BMPR1A: variants seen among roughly 807,000 people sequenced by gnomAD.
BMPR1A encodes bone morphogenetic protein receptor type 1A.
In BMPR1A, 7 loss-of-function variants were observed where a neutral mutation model predicts 66.0. That is an observed-to-expected ratio of 0.11 (90% CI 0.06 to 0.20). The LOEUF is 0.20. Ranked by LOEUF, BMPR1A falls within the 10% of genes least tolerant of loss-of-function variation. The pLI is 1.00. For missense variants in BMPR1A, 408 were observed against 669.1 expected (o/e 0.61, Z 4.31); for synonymous variants, 200 against 229.7 (o/e 0.87, Z 1.17).
intron 1 of BMPR1A, among the ~76,000 whole-genome samples, chr10:86,818,333 G>A (rs1301050581): frequency 6.6e-6 from 1 of 152,158 alleles, no homozygotes; most frequent in Non-Finnish European, 1.5e-5. Flanking sequence ...TAATTTTAGG[G>A]AGCAGATGAA....
At chr10:86,781,953 G>A (rs1383914924) in intron 1 of BMPR1A, among the ~76,000 whole-genome samples, 2 of 123,072 alleles carry the variant, frequency 1.6e-5, no homozygotes, top group East Asian at 2.7e-4. Context: ...TGCAACCCCC[G>A]CCTCCCAGGT....
At chr10:86,759,413 T>C (rs1333496386) in intron 1 of BMPR1A, among the ~76,000 whole-genome samples, 1 of 152,206 alleles carries the variant, frequency 6.6e-6, no homozygotes, top group African/African-American at 2.4e-5. Flanking sequence ...TTTTTGTTTG[T>C]TTGTTTTGTT....
chr10:86,887,586 A>C (rs1843082983), intron 3 of BMPR1A, among the ~76,000 whole-genome samples: 2 of 152,232 alleles, frequency 1.3e-5, no homozygotes, highest in Admixed American at 1.3e-4. Context: ...GCTGAGGTTC[A>C]GAGAGTAACT....
chr10:86,762,589 C>A (rs1841086428), intron 1 of BMPR1A, among the ~76,000 whole-genome samples: 1 of 152,174 alleles, frequency 6.6e-6, no homozygotes. Flanking sequence ...CAACTCCTGA[C>A]CTCAGGTGAT....
At chr10:86,882,060 T>C (rs1842994418) in intron 3 of BMPR1A, among the ~76,000 whole-genome samples, 1 of 151,994 alleles carries the variant, frequency 6.6e-6, no homozygotes, top group South Asian at 2.1e-4. Flanking sequence ...ACATATCTGG[T>C]ATTAGCTTCA....
intron 3 of BMPR1A, among the ~76,000 whole-genome samples, chr10:86,883,061 T>A (rs1843013415): frequency 6.6e-6 from 1 of 152,218 alleles, no homozygotes; most frequent in Non-Finnish European, 1.5e-5. Context: ...TGAAACTCCA[T>A]GAACTTGTCA....
chr10:86,834,238 T>C (rs1403579168), intron 1 of BMPR1A, among the ~76,000 whole-genome samples: 1 of 152,224 alleles, frequency 6.6e-6, no homozygotes, highest in African/African-American at 2.4e-5. Flanking sequence ...CCCAAGTATT[T>C]TTTTCTGTTA....
chr10:86,870,076 C>A (rs1842836211), intron 2 of BMPR1A, among the ~76,000 whole-genome samples: 1 of 152,152 alleles, frequency 6.6e-6, no homozygotes, highest in Non-Finnish European at 1.5e-5. Context: ...GGTGTTAACG[C>A]CTTTATTAAT....
intron 1 of BMPR1A, among the ~76,000 whole-genome samples, chr10:86,795,678 T>G (rs1841698029): frequency 6.6e-6 from 1 of 152,164 alleles, no homozygotes; most frequent in African/African-American, 2.4e-5. Context: ...GCAGTTTTCC[T>G]AACAGGGCCC....
At chr10:86,919,871 C>T (rs989972136) in intron 10 of BMPR1A, among the ~76,000 whole-genome samples, 1 of 152,046 alleles carries the variant, frequency 6.6e-6, no homozygotes, top group Non-Finnish European at 1.5e-5. Context: ...CCACACCTAG[C>T]TAATGTTTTT....
At chr10:86,895,891 C>T (rs773295324) in intron 5 of BMPR1A, among the ~76,000 whole-genome samples, 20 of 151,988 alleles carry the variant, frequency 1.3e-4, no homozygotes, top group East Asian at 7.7e-4. Flanking sequence ...TGGTGGCTCA[C>T]GCCTGTAATT....
intron 2 of BMPR1A, among the ~76,000 whole-genome samples, chr10:86,870,588 A>C (rs1305353096): frequency 6.6e-6 from 1 of 151,876 alleles, no homozygotes; most frequent in East Asian, 1.9e-4. Flanking sequence ...ATGCCCAGCT[A>C]ATTTTTTTAA....
At chr10:86,772,206 G>A (rs946539448) in intron 1 of BMPR1A, among the ~76,000 whole-genome samples, 1 of 141,820 alleles carries the variant, frequency 7.1e-6, no homozygotes, top group Non-Finnish European at 1.5e-5. Flanking sequence ...TCTTGGCTCA[G>A]TGCAAGCTCC....
At chr10:86,824,704 T>A (rs770615272) in intron 1 of BMPR1A, among the ~76,000 whole-genome samples, 2 of 152,222 alleles carry the variant, frequency 1.3e-5, no homozygotes, top group Non-Finnish European at 2.9e-5. Context: ...TGCACACATA[T>A]TGGGTGGGTG....
At chr10:86,874,898 T>G (rs1171073545) in intron 2 of BMPR1A, among the ~76,000 whole-genome samples, 24 of 151,166 alleles carry the variant, frequency 1.6e-4, no homozygotes, top group African/African-American at 5.8e-4. Flanking sequence ...CTAATTTTTG[T>G]ATTTTTAGTA....
At chr10:86,900,425 C>CTT (rs561172840) in intron 7 of BMPR1A, among the ~76,000 whole-genome samples, 79 of 137,088 alleles carry the variant, frequency 5.8e-4, no homozygotes, top group Middle Eastern at 3.8e-3. Flanking sequence ...TGTTATAATT[C>CTT]TTTTTTTTTT....
intron 2 of BMPR1A, among the ~76,000 whole-genome samples, chr10:86,857,820 C>CT (rs35971727): frequency 4.4e-4 from 65 of 147,156 alleles, no homozygotes; most frequent in South Asian, 1.1e-3. Flanking sequence ...TTATTCGTTT[C>CT]TTTTTTTTTT....
At chr10:86,849,650 G>GTAT (rs1842539034) in intron 2 of BMPR1A, among the ~76,000 whole-genome samples, 1 of 152,200 alleles carries the variant, frequency 6.6e-6, no homozygotes, top group Admixed American at 6.5e-5. Context: ...TTAGCCACTT[G>GTAT]TATTTTGACT....
At chr10:86,836,654 C>CT (rs770885861) in intron 1 of BMPR1A, among the ~76,000 whole-genome samples, 4 of 152,120 alleles carry the variant, frequency 2.6e-5, no homozygotes, top group Non-Finnish European at 5.9e-5. Context: ...AAAAATTAAC[C>CT]TGGCATGGTA....
Sources: allele counts gnomAD v4.1 joint callset (sites outside exome capture counted in the v4.1 genomes callset), GRCh38; gene constraint gnomAD v4.1.1; transcripts MANE v1.5; gene names NCBI Gene and HGNC (gene_info 2026-07-23, HGNC 2026-07-21).